The following ARID1B variants were observed in gnomAD, a reference collection of about 807,000 sequenced individuals.
ARID1B encodes the protein AT-rich interactive domain-containing protein 1B.
In ARID1B, 30 loss-of-function variants were observed where a neutral mutation model predicts 212.3. That is an observed-to-expected ratio of 0.14 (90% confidence interval 0.11 to 0.19). The LOEUF is 0.19. Ranked by LOEUF, ARID1B falls within the 10% of genes least tolerant of loss-of-function variation. The pLI is 1.00. For missense variants in ARID1B, 2,891 were observed against 3,204.0 expected (o/e 0.90, Z 2.36); for synonymous variants, 1,402 against 1,301.7 (o/e 1.08, Z -1.66).
intron 1 of ARID1B, among the ~76,000 whole-genome samples, chr6:156,819,102 A>G (rs1476143329): frequency 2.6e-5 from 4 of 152,200 alleles, no homozygotes; most frequent in Admixed American, 6.5e-5. Context: ...CAGAGCTACA[A>G]GTGGTGGGGT....
chr6:157,149,064 C>T (rs1006876183), intron 8 of ARID1B, 113 bp downstream of exon 8: 72 of 1,132,302 alleles, frequency 6.4e-5, no homozygotes, highest in Non-Finnish European at 7.8e-5. Flanking sequence ...AGTAGAATGT[C>T]ACTGTGCTTG....
intron 6 of ARID1B, among the ~76,000 whole-genome samples, chr6:157,127,362 A>G (rs990539171): frequency 2.0e-5 from 3 of 152,148 alleles, no homozygotes; most frequent in Non-Finnish European, 4.4e-5. Flanking sequence ...AATCTATAAT[A>G]GTGACAAGAA....
chr6:156,839,122 T>C (rs546838950), intron 2 of ARID1B, among the ~76,000 whole-genome samples: 37 of 152,282 alleles, frequency 2.4e-4, no homozygotes, highest in Middle Eastern at 3.4e-3. Flanking sequence ...TCTTCAGTAA[T>C]TGGCCAAAAT....
At chr6:156,932,857 C>T (rs191605351) in intron 3 of ARID1B, among the ~76,000 whole-genome samples, 1 of 152,180 alleles carries the variant, frequency 6.6e-6, no homozygotes, top group East Asian at 1.9e-4. Context: ...AGGCAGAACA[C>T]GTTTCCTTTT....
intron 7 of ARID1B, 71 bp downstream of exon 7, chr6:157,133,278 A>G (rs41284242): frequency 1.4e-6 from 2 of 1,432,290 alleles, no homozygotes; most frequent in East Asian, 2.4e-5. Flanking sequence ...TAGTCCTTCA[A>G]GATTTTAATA....
chr6:157,018,770 T>C (rs1263989590), intron 4 of ARID1B, among the ~76,000 whole-genome samples: 1 of 152,194 alleles, frequency 6.6e-6, no homozygotes, highest in Non-Finnish European at 1.5e-5. Flanking sequence ...AAATTCACAA[T>C]GGATGGACCT....
At position 156,912,306 on chromosome 6, in the gene ARID1B, C is replaced by G. The variant is rs180912977; in HGVS notation, c.2136+10781C>G. On this transcript the variant is annotated intron_variant, in intron 3 of 19. Coordinates refer to ENST00000636930, the MANE Select transcript of ARID1B (RefSeq NM_001374828.1). Reference sequence around the variant, plus strand: ...GTTTCTTATGCCCCTCCTGTCATCCCTTTCTTCCTTACCCAACTAAAATTC... The same window carrying G: ...GTTTCTTATGCCCCTCCTGTCATCCGTTTCTTCCTTACCCAACTAAAATTC... Among the ~76,000 whole-genome samples, 33 of 148,274 alleles carry G rather than the reference C, an allele frequency of 2.2e-4. 1 individual carries two copies. The South Asian group carries it at 4.9e-3, about 22-fold the overall frequency.
At chr6:157,202,106 A>G (rs1267425022) in intron 18 of ARID1B, among the ~76,000 whole-genome samples, 2 of 152,228 alleles carry the variant, frequency 1.3e-5, no homozygotes, top group Non-Finnish European at 2.9e-5. Context: ...AGAATATGCT[A>G]TGCTGTGATA....
At chr6:156,965,251 TG>T (rs1794663403) in intron 4 of ARID1B, among the ~76,000 whole-genome samples, 1 of 152,250 alleles carries the variant, frequency 6.6e-6, no homozygotes. Context: ...GTCATTACTT[TG>T]TTGATGCCTA....
Position 157,190,861 on chromosome 6 carries a change from G to A in ARID1B, c.4231+651G>A, listed in dbSNP as rs571485104. On this transcript the variant is annotated intron_variant, in intron 15 of 19. Coordinates refer to ENST00000636930, the MANE Select transcript of ARID1B (RefSeq NM_001374828.1). This position sits in a 1 kb window ranked among gnomAD's most constrained non-coding sequence, Gnocchi z 4.6. Reference sequence around the variant, plus strand: ...TGGCGCGGTGGGAGAGAGGGAAAGCGATTTAGACTGAGTGGTCGGGAGGGA... The same window carrying A: ...TGGCGCGGTGGGAGAGAGGGAAAGCAATTTAGACTGAGTGGTCGGGAGGGA... 1.3e-5 allele frequency among the ~76,000 whole-genome samples: 2 copies of A among 150,926 alleles called. No individual in the cohort carries two copies. The highest frequency in any genetic ancestry group is 2.4e-5 in the African/African-American group (1 of 41,258).
chr6:156,777,953 G>GGCCGCC lies in ARID1B; in HGVS notation c.278_283dup (p.Ala93_Ala94dup). On this transcript the variant is annotated inframe_insertion, in exon 1 of 20. Transcript: ENST00000636930. ...ACATGGCCCATAACGCGGGCGCCGC[G>GGCCGCC]GCCGCCGCCGGCACCCACAGCGCCA... is the stretch of plus-strand genomic sequence containing the variant. The GGCCGCC allele has an allele frequency of 1.3e-6, 2 of 1,528,312 alleles. No individual in the cohort carries two copies. Among genetic ancestry groups the GGCCGCC allele is most frequent in the African/African-American group, 1.4e-5 (1 of 72,294 alleles). 94.7% of individuals were successfully genotyped at this position (1,528,312 alleles called of 1,614,324 possible).
intron 5 of ARID1B, among the ~76,000 whole-genome samples, chr6:157,092,311 A>G (rs1785329551): frequency 6.6e-6 from 1 of 152,262 alleles, no homozygotes; most frequent in Admixed American, 6.5e-5. Context: ...AGCGTGATGT[A>G]GAACCTCCCA....
chr6:156,823,491 AC>A (rs1782518918), intron 1 of ARID1B, among the ~76,000 whole-genome samples: 1 of 152,072 alleles, frequency 6.6e-6, no homozygotes, highest in African/African-American at 2.4e-5. Flanking sequence ...GTGAATAAAC[AC>A]CCCCTGCCCT....
intron 12 of ARID1B, among the ~76,000 whole-genome samples, chr6:157,182,998 G>A (rs944062478): frequency 6.6e-6 from 1 of 152,124 alleles, no homozygotes; most frequent in Non-Finnish European, 1.5e-5. Flanking sequence ...CTGTGACTGT[G>A]TCCACAGTAT....
intron 4 of ARID1B, among the ~76,000 whole-genome samples, chr6:157,039,052 T>C (rs776946454): frequency 3.3e-5 from 5 of 152,084 alleles, no homozygotes; most frequent in African/African-American, 4.8e-5. Context: ...TAATTTTTTA[T>C]AAAAATGCAG....
intron 3 of ARID1B, among the ~76,000 whole-genome samples, chr6:156,925,759 A>G (rs552092501): frequency 2.0e-4 from 30 of 152,280 alleles, no homozygotes; most frequent in Middle Eastern, 3.4e-3. Flanking sequence ...AAGGGAAACT[A>G]TCGATGTGGA....
chr6:157,153,663 G>T (rs1044971085), intron 8 of ARID1B, among the ~76,000 whole-genome samples: 1 of 152,152 alleles, frequency 6.6e-6, no homozygotes, highest in Non-Finnish European at 1.5e-5. Flanking sequence ...ACTTCCTAAA[G>T]AGCATAGCTG....
intron 1 of ARID1B, among the ~76,000 whole-genome samples, chr6:156,828,231 T>C (rs1323867636): frequency 6.6e-6 from 1 of 151,940 alleles, no homozygotes; most frequent in Non-Finnish European, 1.5e-5. Context: ...CTGGCTAAGT[T>C]TTTAATTTGT....
chr6:157,126,413 C>G (rs900718387), intron 6 of ARID1B, among the ~76,000 whole-genome samples: 1 of 152,070 alleles, frequency 6.6e-6, no homozygotes, highest in African/African-American at 2.4e-5. Context: ...TAACTTCTCT[C>G]TAAGGATTTT....
Sources: gnomAD v4.1 joint callset for allele counts (sites outside exome capture counted in the v4.1 genomes callset) on GRCh38, gnomAD v4.1.1 for gene constraint, Gnocchi (gnomAD v3.1) non-coding constraint, MANE v1.5 for transcripts, NCBI Gene and HGNC (gene_info 2026-07-23, HGNC 2026-07-21) for gene names.